NCKAP1L: variants seen among roughly 807,000 people sequenced by gnomAD.
The protein encoded by NCKAP1L is NCK associated protein 1 like, also known as nck-associated protein 1-like.
Under a neutral mutation model 139.2 loss-of-function variants are expected in NCKAP1L, and 53 were observed. The observed-to-expected ratio is 0.38, with a 90% CI of 0.31 to 0.48. The LOEUF is 0.48. Ranked by LOEUF, NCKAP1L falls within the 20% of genes least tolerant of loss-of-function variation. NCKAP1L has a pLI of 0.98. For synonymous variants in NCKAP1L, 468 were observed against 499.7 expected, an observed-to-expected ratio of 0.94 and a Z score of 0.85; for missense variants, 1,151 against 1,381.9, an observed-to-expected ratio of 0.83 and a Z score of 2.65.
chr12:54,524,865 C>T (rs981909261), intron 20 of NCKAP1L, among the ~76,000 whole-genome samples: 13 of 151,982 alleles, frequency 8.6e-5, no homozygotes, highest in Non-Finnish European at 1.8e-4. Context: ...GTAGGTGTTG[C>T]AGTTTTAGAT....
intron 20 of NCKAP1L, among the ~76,000 whole-genome samples, chr12:54,524,983 G>A (rs1215684044): frequency 6.6e-6 from 1 of 152,156 alleles, no homozygotes; most frequent in African/African-American, 2.4e-5. Flanking sequence ...TCTAGGTAGA[G>A]GAAACAGCAA....
intron 21 of NCKAP1L, among the ~76,000 whole-genome samples, chr12:54,527,050 A>C (rs1957032475): frequency 6.6e-6 from 1 of 152,248 alleles, no homozygotes; most frequent in South Asian, 2.1e-4. Flanking sequence ...TTTCAATTTC[A>C]AATGATCTCT....
At chr12:54,508,616 C>T in intron 5 of NCKAP1L, 85 bp downstream of exon 5, 1 of 1,370,772 alleles carries the variant, frequency 7.3e-7, no homozygotes, top group Non-Finnish European at 1.0e-6. Context: ...GAAATTGATG[C>T]CATGATTTCT....
intron 30 of NCKAP1L, among the ~76,000 whole-genome samples, chr12:54,540,718 C>T (rs1957151097): frequency 6.6e-6 from 1 of 152,094 alleles, no homozygotes; most frequent in African/African-American, 2.4e-5. Flanking sequence ...TAGTTTTCAC[C>T]CCTGTCAGGT....
In NCKAP1L at chr12:54,526,547, G is replaced by A; in HGVS notation, c.2176G>A (p.Gly726Ser). The change falls in exon 21 of 31, where the codon GGC (glycine) becomes AGC (serine). Residue 726 changes from glycine to serine, a missense_variant. Transcript: ENST00000293373. ...RLNRAIVWLA[G>S]YNATTQEIVR... ...ACCTAGAGCCATTGTGTGGCTGGCT[G>A]GCTACAATGCCACGACCCAGGAGAT... 6.2e-7 allele frequency: 1 copy of A among 1,613,742 alleles called. No individual in the cohort carries two copies. Among genetic ancestry groups the A allele is most frequent in the Non-Finnish European group, 8.5e-7 (1 of 1,179,928 alleles).
At chr12:54,524,163 A>G (rs1235583642) in intron 20 of NCKAP1L, among the ~76,000 whole-genome samples, 2 of 152,174 alleles carry the variant, frequency 1.3e-5, no homozygotes, top group Non-Finnish European at 1.5e-5. Flanking sequence ...CCAAACCTCT[A>G]TAGGTGGTTT....
chr12:54,529,087 G>A (rs924994309), intron 22 of NCKAP1L, among the ~76,000 whole-genome samples: 3 of 152,162 alleles, frequency 2.0e-5, no homozygotes, highest in African/African-American at 7.2e-5. Context: ...CCTCATAACA[G>A]CCTTGGGGTA....
intron 16 of NCKAP1L, 45 bp downstream of exon 16, chr12:54,519,377 C>A (rs1592344778): frequency 7.3e-7 from 1 of 1,361,352 alleles, no homozygotes; most frequent in Non-Finnish European, 9.6e-7. Context: ...TTATTGTTTC[C>A]TTTTTTCATT....
At chr12:54,510,522 T>A (rs1020738129) in intron 7 of NCKAP1L, 33 of 184,226 alleles carry the variant, frequency 1.8e-4, no homozygotes, top group African/African-American at 6.7e-4. Flanking sequence ...TTTTAATTTT[T>A]ATTTTTGAGA....
At position 54,507,833 on chromosome 12, in the gene NCKAP1L, G is replaced by A. The variant is rs780956597; in HGVS notation, c.307-20G>A. ...TCTCTTTGATTTTTTATTAATTCTT[G>A]TCTTCACTTCCACCCCCAGGATCAT... On this transcript the variant is annotated intron_variant, in intron 3 of 30. Coordinates refer to ENST00000293373, the MANE Select transcript of NCKAP1L (RefSeq NM_005337.5). 2 of 1,610,706 alleles carry A rather than the reference G, an allele frequency of 1.2e-6. No homozygotes were observed. Among genetic ancestry groups the A allele is most frequent in the South Asian group, 2.2e-5 (2 of 90,986 alleles).
At chr12:54,518,624 T>A in intron 13 of NCKAP1L, 27 bp from the exon 14 acceptor site, 1 of 1,593,202 alleles carries the variant, frequency 6.3e-7, no homozygotes, top group Non-Finnish European at 8.6e-7. Context: ...TGTGCCCACT[T>A]GACAGTAACT....
intron 26 of NCKAP1L, among the ~76,000 whole-genome samples, chr12:54,532,494 G>C (rs1004195318): frequency 2.0e-5 from 3 of 152,016 alleles, no homozygotes; most frequent in East Asian, 1.9e-4. Flanking sequence ...CATTACTGGA[G>C]GGGGAGGGGT....
Position 54,517,812 on chromosome 12 carries a change from T to G in NCKAP1L, c.1212T>G (p.Ile404Met). 1 of 1,614,212 alleles carries G rather than the reference T, an allele frequency of 6.2e-7. No homozygotes were observed. The change falls in exon 13 of 31, where the codon ATT becomes ATG. Residue 404 changes from isoleucine to methionine, a missense_variant. Coordinates refer to ENST00000293373, the MANE Select transcript of NCKAP1L (RefSeq NM_005337.5). ...CTCATCCTAAACTTTATAGGAGCAT[T>G]GCAGAGCTACTTTTCTTGTTGGAGG... ...KTPEDYADSS[I>M]AELLFLLEGI...
At chr12:54,521,560 G>A (rs978597720) in intron 18 of NCKAP1L, among the ~76,000 whole-genome samples, 2 of 152,044 alleles carry the variant, frequency 1.3e-5, no homozygotes, top group South Asian at 2.1e-4. Flanking sequence ...TTTGCCCTGC[G>A]TACACATACT....
chr12:54,530,982 G>A (rs1160984291), intron 22 of NCKAP1L, among the ~76,000 whole-genome samples: 1 of 152,098 alleles, frequency 6.6e-6, no homozygotes, highest in African/African-American at 2.4e-5. Flanking sequence ...TCATATAAAG[G>A]AACACGGGAA....
At chr12:54,515,224 T>G (rs1047971312) in intron 9 of NCKAP1L, among the ~76,000 whole-genome samples, 2 of 152,190 alleles carry the variant, frequency 1.3e-5, no homozygotes, top group African/African-American at 4.8e-5. Flanking sequence ...TTGATTTAAT[T>G]AAGATACTTT....
chr12:54,519,655 T>C (rs75252418), intron 16 of NCKAP1L, among the ~76,000 whole-genome samples: 1 of 152,188 alleles, frequency 6.6e-6, no homozygotes, highest in African/African-American at 2.4e-5. Context: ...AGTGTTGCTG[T>C]TTTTGAGATC....
Position 54,512,194 on chromosome 12 carries a change from T to C in NCKAP1L, c.941+89T>C, listed in dbSNP as rs1956894519. The stretch of plus-strand genomic sequence containing the variant: ...TTCAGTCTCCACAAGTGTTCCCAGA[T>C]ATAGGTGGTAACGATTAATTCTAAC... On this transcript the variant is annotated intron_variant, in intron 9 of 30. Coordinates refer to ENST00000293373, the MANE Select transcript of NCKAP1L (RefSeq NM_005337.5). The C allele has an allele frequency of 1.7e-5, 23 of 1,366,420 alleles. 1 individual carries two copies. In the South Asian group the frequency reaches 3.1e-4, roughly 18 times the overall value. The allele number at this position is 1,366,420 out of a possible 1,614,324, so 84.6% of individuals were successfully genotyped here. A position where few individuals can be genotyped will look rare whatever the true frequency, so the allele number is the denominator to read the frequency against.
intron 26 of NCKAP1L, 73 bp downstream of exon 26, chr12:54,532,323 A>C: frequency 7.9e-7 from 1 of 1,273,320 alleles, no homozygotes; most frequent in Non-Finnish European, 1.1e-6. Context: ...AGGATCTTGT[A>C]AGGGAGAGCG....
Sources: gnomAD v4.1 joint callset for allele counts (sites outside exome capture counted in the v4.1 genomes callset) on GRCh38, gnomAD v4.1.1 for gene constraint, MANE v1.5 for transcripts, NCBI Gene and HGNC (gene_info 2026-07-23, HGNC 2026-07-21) for gene names.